ACP6: variants seen among roughly 807,000 people sequenced by gnomAD.
ACP6 encodes lysophosphatidic acid phosphatase type 6.
A neutral mutation model predicts 48.1 loss-of-function variants in ACP6; 48 were observed. That is an observed-to-expected ratio of 1.00 (90% CI 0.79 to 1.27). The LOEUF is 1.27. Ranked by LOEUF, ACP6 falls within the 50% of genes most tolerant of loss-of-function variation. ACP6 has a pLI of 0.00. For missense variants in ACP6, 485 were observed against 529.1 expected, an observed-to-expected ratio of 0.92 and a Z score of 0.82; for synonymous variants, 172 against 204.2, an observed-to-expected ratio of 0.84 and a Z score of 1.34.
chr1:147,662,388 C>G (rs1296556033), intron 1 of ACP6, among the ~76,000 whole-genome samples: 1 of 152,062 alleles, frequency 6.6e-6, no homozygotes, highest in East Asian at 1.9e-4. Flanking sequence ...AATTGAAAAC[C>G]TTATGGAAAG....
rs371133394 is a variant in ACP6, at chr1:147,670,158, TG to T, written c.-111del. On this transcript the variant is annotated 5_prime_UTR_variant, in exon 1 of 10. The change abolishes the stop of an existing upstream ORF in the 5' untranslated region. Coordinates refer to ENST00000583509, the MANE Select transcript of ACP6 (RefSeq NM_016361.5). The stretch of plus-strand genomic sequence containing the variant: ...CCCCAAGTCCGCGGGAACCTGCGGA[TG>T]CGTACATCCAGCCCTTCAGCAAGCA... 11 of 1,021,548 alleles carry T rather than the reference TG, an allele frequency of 1.1e-5. No homozygotes were observed. The highest frequency in any genetic ancestry group is 9.7e-5 in the African/African-American group (6 of 61,794). The allele number at this position is 1,021,548 out of a possible 1,614,324, so 63.3% of individuals were successfully genotyped here.
At chr1:147,663,957 T>A (rs1660673941) in intron 1 of ACP6, among the ~76,000 whole-genome samples, 2 of 152,228 alleles carry the variant, frequency 1.3e-5, no homozygotes, top group African/African-American at 4.8e-5. Context: ...TTGTTTAGTT[T>A]TAAAACTAAC....
At chr1:147,652,952 G>T (rs1240504979) in intron 6 of ACP6, among the ~76,000 whole-genome samples, 3 of 152,254 alleles carry the variant, frequency 2.0e-5, no homozygotes, top group Non-Finnish European at 4.4e-5. Flanking sequence ...TCAGCCTCCT[G>T]AGTAGCTGGG....
At position 147,643,576 on chromosome 1, in the gene ACP6, C is replaced by A. The variant is rs1160152346; in HGVS notation, c.*3847G>T. 1 of 152,252 alleles carries A rather than the reference C, an allele frequency of 6.6e-6. No individual in the cohort carries two copies. The allele number at this position is 152,252 out of a possible 1,614,324, so 9.4% of individuals were successfully genotyped here. A position where few individuals can be genotyped will look rare whatever the true frequency, so the allele number is the denominator to read the frequency against. On this transcript the variant is annotated 3_prime_UTR_variant, in exon 10 of 10. Coordinates refer to ENST00000583509, the MANE Select transcript of ACP6 (RefSeq NM_016361.5). ...CAGGCACAGGAACAACAGGTGCTCA[C>A]CCCGAGGTGAGGACATGGCTCAGGA... is the stretch of plus-strand genomic sequence containing the variant.
chr1:147,649,444 T>C (rs1403692061), intron 8 of ACP6, among the ~76,000 whole-genome samples: 1 of 43,344 alleles, frequency 2.3e-5, no homozygotes, highest in African/African-American at 1.1e-4. Flanking sequence ...CATGAGCTAC[T>C]TCCAACATTT....
At chr1:147,647,592 G>A (rs781824368) in intron 9 of ACP6, 26 bp from the exon 10 acceptor site, 2 of 1,605,038 alleles carry the variant, frequency 1.2e-6, no homozygotes, top group Non-Finnish European at 1.7e-6. Context: ...AACTCAGCAG[G>A]TCCGCCGAGG....
chr1:147,638,730 A>G (rs1275310888), downstream of ACP6, among the ~76,000 whole-genome samples: 1 of 152,208 alleles, frequency 6.6e-6, no homozygotes, highest in East Asian at 1.9e-4. Context: ...CTTGTCCACA[A>G]ATATACTGCG....
chr1:147,664,231 C>A (rs1006262870), intron 1 of ACP6, among the ~76,000 whole-genome samples: 1 of 152,138 alleles, frequency 6.6e-6, no homozygotes, highest in African/African-American at 2.4e-5. Context: ...GACCCTCTAA[C>A]CCCTCTGGAT....
intron 1 of ACP6, among the ~76,000 whole-genome samples, chr1:147,666,746 A>G (rs1384958412): frequency 1.3e-5 from 2 of 152,164 alleles, no homozygotes; most frequent in Non-Finnish European, 2.9e-5. Flanking sequence ...GTATTTTTTA[A>G]AGCTTTCCAG....
chr1:147,669,568 C>T (rs956573224), intron 1 of ACP6, among the ~76,000 whole-genome samples: 2 of 152,230 alleles, frequency 1.3e-5, no homozygotes, highest in Admixed American at 6.5e-5. Flanking sequence ...GATCCCCAGG[C>T]GACTCCCATG....
chr1:147,633,018 A>G (rs12407757), intron 5 of ACP6, among the ~76,000 whole-genome samples: 96,039 of 152,012 alleles, frequency 0.63, 30,837 homozygotes, highest in African/African-American at 0.71. Flanking sequence ...GTGTTGGAAG[A>G]GGCCATCCTA....
chr1:147,658,144 G>A (rs1660350262), intron 4 of ACP6, among the ~76,000 whole-genome samples: 1 of 152,214 alleles, frequency 6.6e-6, no homozygotes, highest in Admixed American at 6.5e-5. Context: ...ACTAGCAGCA[G>A]TATCCAACCC....
chr1:147,645,869 C>T lies in ACP6; in HGVS notation c.*1554G>A, dbSNP rs139327993. On this transcript the variant is annotated 3_prime_UTR_variant, in exon 10 of 10. Transcript: ENST00000583509. ...TTGTATTGCTAATAGAATAATTGGT[C>T]AGGAAAAAAATTGACAATCCAGAAA... 1.3e-5 allele frequency: 2 copies of T among 152,098 alleles called. No individual in the cohort carries two copies. The highest frequency in any genetic ancestry group is 2.9e-5 in the Non-Finnish European group (2 of 67,988). The allele number at this position is 152,098 out of a possible 1,614,324, so 9.4% of individuals were successfully genotyped here. A position where few individuals can be genotyped will look rare whatever the true frequency, so the allele number is the denominator to read the frequency against.
At chr1:147,649,965 T>G in intron 8 of ACP6, 178 bp downstream of exon 8, 1 of 547,080 alleles carries the variant, frequency 1.8e-6, no homozygotes, top group Non-Finnish European at 3.2e-6. Flanking sequence ...GTAGGAGGGG[T>G]GCAGCAGGAA....
chr1:147,642,012 T>G (rs1659468000), downstream of ACP6, among the ~76,000 whole-genome samples: 1 of 152,220 alleles, frequency 6.6e-6, no homozygotes, highest in Non-Finnish European at 1.5e-5. Context: ...CCTTAATTGA[T>G]TCTCACAACA....
chr1:147,648,486 C>A, intron 8 of ACP6, 75 bp from the exon 9 acceptor site: 3 of 1,539,304 alleles, frequency 1.9e-6, no homozygotes, highest in Non-Finnish European at 2.7e-6. Flanking sequence ...GCCTCCTTTA[C>A]GTAAGACACA....
chr1:147,635,686 G>C (rs2101640892), intron 5 of ACP6, among the ~76,000 whole-genome samples: 1 of 152,248 alleles, frequency 6.6e-6, no homozygotes, highest in Non-Finnish European at 1.5e-5. Flanking sequence ...TGAGCAGTTT[G>C]GACTAGATAT....
Position 147,644,385 on chromosome 1 carries a change from C to T in ACP6, c.*3038G>A, listed in dbSNP as rs1659547985. The T allele has an allele frequency of 6.6e-6, 1 of 152,132 alleles. No homozygotes were observed. The highest frequency in any genetic ancestry group is 6.5e-5 in the Admixed American group (1 of 15,272). 9.4% of individuals were successfully genotyped at this position (152,132 alleles called of 1,614,324 possible). ...GTATGGCTGGGGTGCAGTGAGATGT[C>T]ATAGGACCGTGAGGGCATTATGACT... is the stretch of plus-strand genomic sequence containing the variant. On this transcript the variant is annotated 3_prime_UTR_variant, in exon 10 of 10. Transcript: ENST00000583509.
Position 147,647,331 on chromosome 1 carries a change from T to C in ACP6, c.*92A>G. Reference sequence around the variant, plus strand: ...ACATTATATTAAAGTACATTACCCCTTGCTCTCTCCTCTTCCCAAACACAC... The same window carrying C: ...ACATTATATTAAAGTACATTACCCCCTGCTCTCTCCTCTTCCCAAACACAC... On this transcript the variant is annotated 3_prime_UTR_variant, in exon 10 of 10. Coordinates refer to ENST00000583509, the MANE Select transcript of ACP6 (RefSeq NM_016361.5). 1.4e-6 allele frequency: 2 copies of C among 1,431,770 alleles called. No individual in the cohort carries two copies. The highest frequency in any genetic ancestry group is 1.9e-5 in the Admixed American group (1 of 52,296). The allele number at this position is 1,431,770 out of a possible 1,614,324, so 88.7% of individuals were successfully genotyped here.
Sources: allele counts gnomAD v4.1 joint callset (sites outside exome capture counted in the v4.1 genomes callset), GRCh38; gene constraint gnomAD v4.1.1; transcripts MANE v1.5; gene names NCBI Gene and HGNC (gene_info 2026-07-23, HGNC 2026-07-21).